The following KIAA0319L variants were observed in gnomAD, a reference collection of about 807,000 sequenced individuals.
The protein encoded by KIAA0319L is KIAA0319 like.
Under a neutral mutation model 120.1 loss-of-function variants are expected in KIAA0319L, and 55 were observed. The observed-to-expected ratio is 0.46, with a 90% confidence interval of 0.37 to 0.57. KIAA0319L has a LOEUF of 0.57. Ranked by LOEUF, KIAA0319L falls within the 20% of genes least tolerant of loss-of-function variation. The pLI is 0.00. For missense variants in KIAA0319L, 1,049 were observed against 1,255.3 expected, an observed-to-expected ratio of 0.84 and a Z score of 2.48; for synonymous variants, 398 against 471.9, an observed-to-expected ratio of 0.84 and a Z score of 2.03.
At chr1:35,508,211 G>A (rs966885959) in intron 2 of KIAA0319L, among the ~76,000 whole-genome samples, 8 of 152,170 alleles carry the variant, frequency 5.3e-5, no homozygotes, top group African/African-American at 1.7e-4. Flanking sequence ...CATAGTGAGT[G>A]TCTCTTTAAA....
intron 3 of KIAA0319L, among the ~76,000 whole-genome samples, chr1:35,483,555 G>A (rs1032641079): frequency 5.3e-5 from 8 of 152,074 alleles, no homozygotes; most frequent in Admixed American, 4.6e-4. Flanking sequence ...GTCTATTTCT[G>A]GACTCTATAT....
rs1293048968 is a variant in KIAA0319L, at chr1:35,449,940, G to A, written c.2280C>T (p.Tyr760=). 1.1e-5 allele frequency: 18 copies of A among 1,614,180 alleles called. No individual in the cohort carries two copies. The highest frequency in any genetic ancestry group is 1.5e-5 in the Non-Finnish European group (18 of 1,180,008). ...CATCGGTCACTTTCAGGTGAAAAGT[G>A]TAGGTTCCCTCAACCAGGTTTGAAA... ...LFLSNLVEGT[Y]TFHLKVTDAK... The change falls in exon 15 of 21, where the codon TAC becomes TAT. Residue 760 remains tyrosine (Y), a synonymous_variant. Coordinates refer to ENST00000325722, the MANE Select transcript of KIAA0319L (RefSeq NM_024874.5).
At chr1:35,480,822 C>A (rs1644134970) in intron 3 of KIAA0319L, among the ~76,000 whole-genome samples, 1 of 151,940 alleles carries the variant, frequency 6.6e-6, no homozygotes, top group Non-Finnish European at 1.5e-5. Flanking sequence ...ATATAATTCA[C>A]ATAAACTACA....
chr1:35,442,440 A>T (rs1340779714), intron 18 of KIAA0319L, 104 bp from the exon 19 acceptor site: 3 of 842,668 alleles, frequency 3.6e-6, no homozygotes, highest in Non-Finnish European at 6.2e-6. Flanking sequence ...TGGAGACAAG[A>T]ATGCCTCAGG....
Position 35,554,374 on chromosome 1 carries a change from A to C in KIAA0319L, c.118T>G (p.Phe40Val). The C allele has an allele frequency of 6.2e-7, 1 of 1,605,708 alleles. No homozygotes were observed. Among genetic ancestry groups the C allele is most frequent in the South Asian group, 1.1e-5 (1 of 88,848 alleles). The change falls in exon 2 of 21, where the codon TTC becomes GTC. Residue 40 changes from phenylalanine (F) to valine (V), a missense_variant. Phe to Val is a conservative substitution (Grantham distance 50, BLOSUM62 -1). Coordinates refer to ENST00000325722, the MANE Select transcript of KIAA0319L (RefSeq NM_024874.5). Reference sequence around the variant, plus strand: ...CCTGTTGACAACCACAGAACGCTGAAGCAAAAGCAAGTATAAAACAGGTAC... The same window carrying C: ...CCTGTTGACAACCACAGAACGCTGACGCAAAAGCAAGTATAAAACAGGTAC... ...SLYLFYTCFCFSVLWLSTDAS... is the reference protein window; with the variant it reads ...SLYLFYTCFCVSVLWLSTDAS...
intron 3 of KIAA0319L, among the ~76,000 whole-genome samples, chr1:35,490,787 G>T (rs1644562869): frequency 6.6e-6 from 1 of 152,196 alleles, no homozygotes; most frequent in Non-Finnish European, 1.5e-5. Flanking sequence ...TGTTGGGGAA[G>T]GGACATAGTA....
intron 2 of KIAA0319L, among the ~76,000 whole-genome samples, chr1:35,516,343 T>C (rs942258863): frequency 3.9e-5 from 6 of 152,200 alleles, no homozygotes; most frequent in Non-Finnish European, 7.3e-5. Context: ...ATCAAAAAGC[T>C]AATCCACCAC....
chr1:35,556,404 A>G (rs1263438923), intron 1 of KIAA0319L: 1 of 152,274 alleles, frequency 6.6e-6, no homozygotes, highest in Non-Finnish European at 1.5e-5. Context: ...GGTATGAGTA[A>G]TCGAGAATAA....
chr1:35,483,451 T>C (rs1644251692), intron 3 of KIAA0319L, among the ~76,000 whole-genome samples: 1 of 152,240 alleles, frequency 6.6e-6, no homozygotes, highest in African/African-American at 2.4e-5. Context: ...TGTTTTTACA[T>C]ATCATTATCT....
intron 2 of KIAA0319L, among the ~76,000 whole-genome samples, chr1:35,531,011 G>T (rs905035390): frequency 6.6e-6 from 1 of 152,232 alleles, no homozygotes; most frequent in African/African-American, 2.4e-5. Flanking sequence ...CTACTTGTGG[G>T]AGACAAGAGG....
At chr1:35,537,721 A>G (rs1212783409) in intron 2 of KIAA0319L, among the ~76,000 whole-genome samples, 1 of 151,642 alleles carries the variant, frequency 6.6e-6, no homozygotes, top group African/African-American at 2.4e-5. Context: ...CTTTTTGCTT[A>G]TAGCAAATAA....
chr1:35,486,624 G>A (rs74829041), intron 3 of KIAA0319L, among the ~76,000 whole-genome samples: 1,628 of 150,030 alleles, frequency 0.011, 37 homozygotes, highest in African/African-American at 0.038. Flanking sequence ...TTTCTGGCCC[G>A]ATACAGTAGC....
intron 2 of KIAA0319L, among the ~76,000 whole-genome samples, chr1:35,542,451 CCT>C (rs1184345981): frequency 6.6e-6 from 1 of 152,210 alleles, no homozygotes; most frequent in Non-Finnish European, 1.5e-5. Flanking sequence ...ATTCTTACAA[CCT>C]CTCTCTGGAA....
chr1:35,520,928 T>C (rs1458446217), intron 2 of KIAA0319L, among the ~76,000 whole-genome samples: 1 of 152,218 alleles, frequency 6.6e-6, no homozygotes, highest in African/African-American at 2.4e-5. Flanking sequence ...AACTTGGAAT[T>C]TATTGTACAA....
upstream of KIAA0319L, chr1:35,557,651 T>A: frequency 2.2e-6 from 1 of 456,880 alleles, no homozygotes; most frequent in South Asian, 1.5e-5. Flanking sequence ...ACTCGGGCAA[T>A]ACCCACAAGC....
intron 16 of KIAA0319L, among the ~76,000 whole-genome samples, chr1:35,445,090 C>CTCGAT (rs1641520631): frequency 6.6e-6 from 1 of 152,076 alleles, no homozygotes; most frequent in South Asian, 2.1e-4. Flanking sequence ...ATATTGATCC[C>CTCGAT]CTCATCATGC....
chr1:35,451,436 G>A lies in KIAA0319L; in HGVS notation c.2062+192C>T, dbSNP rs143811315. On this transcript the variant is annotated intron_variant, in intron 13 of 20. Transcript: ENST00000325722. ...GGGAAGATGTAAGCAGGAGGAGGGA[G>A]GGAAGTTAAAATTCACCTTACAGTC... Among the ~76,000 whole-genome samples, 926 of 152,228 alleles carry A rather than the reference G, an allele frequency of 6.1e-3. 5 individuals are homozygous for A. The highest frequency in any genetic ancestry group is 8.5e-3 in the Non-Finnish European group (580 of 68,002).
chr1:35,543,267 C>G (rs1213606303), intron 2 of KIAA0319L, among the ~76,000 whole-genome samples: 1 of 152,188 alleles, frequency 6.6e-6, no homozygotes, highest in Non-Finnish European at 1.5e-5. Flanking sequence ...AAAACTCTAC[C>G]TTCCCCCAAG....
chr1:35,456,772 C>T (rs1290126827), intron 9 of KIAA0319L, among the ~76,000 whole-genome samples: 3 of 149,642 alleles, frequency 2.0e-5, no homozygotes, highest in Non-Finnish European at 4.4e-5. Flanking sequence ...GATTGCACCA[C>T]TGCACTCCAG....
Sources: gnomAD v4.1 joint callset for allele counts (sites outside exome capture counted in the v4.1 genomes callset) on GRCh38, gnomAD v4.1.1 for gene constraint, MANE v1.5 for transcripts, NCBI Gene and HGNC (gene_info 2026-07-23, HGNC 2026-07-21) for gene names.